Variants in TF observed in about 807,000 individuals in gnomAD.
The protein encoded by TF is serotransferrin.
In TF, 55 loss-of-function variants were observed where a neutral mutation model predicts 82.4. The ratio of observed to expected loss-of-function variants is 0.67; its 90% CI spans 0.54 to 0.84. TF has a LOEUF of 0.84. Ranked by LOEUF, TF falls within the 40% of genes least tolerant of loss-of-function variation. The pLI, the probability that TF is intolerant of heterozygous loss-of-function variation, is 0.00. For missense variants in TF, 737 were observed against 868.4 expected (o/e 0.85, Z 1.90); for synonymous variants, 332 against 332.6 (o/e 1.00, Z 0.02).
chr3:133,683,491 A>G, the TF span, among the ~76,000 whole-genome samples: 4 of 152,170 alleles, frequency 2.6e-5, no homozygotes, highest in Non-Finnish European at 5.9e-5. Context: ...GCTTAAAATA[A>G]AGGGCTGGAG....
chr3:133,770,180 G>A (rs920054249), intron 13 of TF, among the ~76,000 whole-genome samples: 1 of 152,166 alleles, frequency 6.6e-6, no homozygotes, highest in Non-Finnish European at 1.5e-5. Context: ...AAGGAACTGA[G>A]TTTTTCATTC....
intron 4 of TF, 137 bp from the exon 5 acceptor site, chr3:133,755,226 C>A: frequency 9.1e-7 from 1 of 1,095,002 alleles, no homozygotes; most frequent in Non-Finnish European, 1.4e-6. Context: ...GATGAGTTAG[C>A]ATAAGGGCAA....
At chr3:133,696,966 A>G in the TF span, among the ~76,000 whole-genome samples, 4 of 152,226 alleles carry the variant, frequency 2.6e-5, no homozygotes, top group South Asian at 4.1e-4. Flanking sequence ...ACATGTATAT[A>G]TTCACTGTGC....
rs8177238 is a variant in TF at position 133,757,785 on chromosome 3, A to G, written c.887A>G (p.Asp296Gly). 2.2e-3 allele frequency: 3,514 copies of G among 1,614,242 alleles called. 78 individuals are homozygous for G. The African/African-American group carries it at 0.041, about 19-fold the overall frequency. ...TATGAACAGGAACATTTTGGCAAAG[A>G]CAAATCAAAAGAATTCCAACTATTC... ...LNQAQEHFGK[D>G]KSKEFQLFSS... The change falls in exon 8 of 17, where the codon GAC becomes GGC. Residue 296 changes from aspartate to glycine, a missense_variant. Physicochemically the swap from Asp to Gly is moderately conservative, Grantham distance 94. Transcript: ENST00000402696.
Position 133,754,671 on chromosome 3 carries a change from G to T in TF, c.502G>T (p.Ala168Ser). 1 of 1,614,148 alleles carries T rather than the reference G, an allele frequency of 6.2e-7. No homozygotes were observed. Among genetic ancestry groups the T allele is most frequent in the Non-Finnish European group, 8.5e-7 (1 of 1,180,026 alleles). ...LPEPRKPLEK[A>S]VANFFSGSCA... ...TGAGCCACGTAAACCTCTTGAGAAA[G>T]GTAAGCTGGCAGGAGTCTGGGTGCC... is the stretch of plus-strand genomic sequence containing the variant. Residue 168 changes from alanine to serine, a missense_variant and splice_region_variant, in exon 4 of 17, where the codon GCA (alanine) becomes TCA (serine). Ala to Ser is a moderately conservative substitution (Grantham distance 99). Coordinates refer to ENST00000402696, the MANE Select transcript of TF (RefSeq NM_001063.4).
At chr3:133,746,557 CAGCCT>C in intron 1 of TF, 74 bp downstream of exon 1, 1 of 1,498,218 alleles carries the variant, frequency 6.7e-7, no homozygotes, top group Non-Finnish European at 9.0e-7. Flanking sequence ...GGCCACCGCG[CAGCCT>C]GCATGCACTC....
chr3:133,710,767 C>T, the TF span, among the ~76,000 whole-genome samples: 1 of 152,132 alleles, frequency 6.6e-6, no homozygotes, highest in African/African-American at 2.4e-5. Flanking sequence ...GTAAACACAC[C>T]GAATGTTTTC....
chr3:133,763,791 AG>A (rs1338695181), intron 9 of TF, among the ~76,000 whole-genome samples: 3 of 152,240 alleles, frequency 2.0e-5, no homozygotes, highest in African/African-American at 7.2e-5. Context: ...GCCCCCCTTC[AG>A]AAGGTGCTGT....
At chr3:133,687,061 T>G in the TF span, among the ~76,000 whole-genome samples, 2 of 152,190 alleles carry the variant, frequency 1.3e-5, no homozygotes, top group African/African-American at 2.4e-5. Flanking sequence ...TGGTTGAAGC[T>G]GGAAACCATC....
chr3:133,711,135 G>A, the TF span, among the ~76,000 whole-genome samples: 4 of 152,144 alleles, frequency 2.6e-5, no homozygotes, highest in South Asian at 2.1e-4. Context: ...GTTAAGAAAC[G>A]TTTGCGTTGC....
chr3:133,687,435 C>T, the TF span, among the ~76,000 whole-genome samples: 1 of 151,998 alleles, frequency 6.6e-6, no homozygotes, highest in African/African-American at 2.4e-5. Flanking sequence ...ATGAGATTCA[C>T]ATAACACAAT....
At chr3:133,726,489 G>A in the TF span, among the ~76,000 whole-genome samples, 1 of 152,064 alleles carries the variant, frequency 6.6e-6, no homozygotes, top group Non-Finnish European at 1.5e-5. Context: ...TATTTCTGTG[G>A]GATTGGTGGT....
chr3:133,694,049 C>G, the TF span, among the ~76,000 whole-genome samples: 2 of 152,210 alleles, frequency 1.3e-5, no homozygotes, highest in Non-Finnish European at 2.9e-5. Flanking sequence ...CCAGCCACCT[C>G]CAGCAGGCTG....
At chr3:133,759,125 A>T (rs747319837) in intron 8 of TF, 50 bp from the exon 9 acceptor site, 11 of 1,612,600 alleles carry the variant, frequency 6.8e-6, no homozygotes, top group Non-Finnish European at 9.3e-6. Context: ...GACAAACACC[A>T]GGCAACAGCT....
chr3:133,776,385 C>T (rs1473524762), intron 15 of TF, among the ~76,000 whole-genome samples: 8 of 152,218 alleles, frequency 5.3e-5, no homozygotes, highest in African/African-American at 1.9e-4. Context: ...CACACACACA[C>T]ATCACCTTCC....
chr3:133,679,452 T>C, the TF span, among the ~76,000 whole-genome samples: 11 of 152,206 alleles, frequency 7.2e-5, no homozygotes, highest in Non-Finnish European at 1.5e-4. Context: ...ATAAATGACA[T>C]TTTCATCACC....
At chr3:133,748,252 C>A in intron 1 of TF, 160 bp from the exon 2 acceptor site, 2 of 938,780 alleles carry the variant, frequency 2.1e-6, no homozygotes, top group Non-Finnish European at 1.7e-6. Context: ...TTGGCTCAGA[C>A]TCAGAATGCA....
At position 133,790,014 on chromosome 3, in the gene TF, T is replaced by C. The variant is rs149862974; in HGVS notation, c.*11394T>C. ...ACTTAGGTTTAAGTGCACACCTGGC[T>C]ATTCAAAATGTGGTTAACAGGGAAA... is the stretch of plus-strand genomic sequence containing the variant. On this transcript the variant is annotated 3_prime_UTR_variant, in exon 17 of 17. Transcript: ENST00000402696. The C allele has an allele frequency of 6.6e-6, 1 of 151,580 alleles. No individual in the cohort carries two copies. Among genetic ancestry groups the C allele is most frequent in the African/African-American group, 2.4e-5 (1 of 41,274 alleles). The allele number at this position is 151,580 out of a possible 1,614,324, so 9.4% of individuals were successfully genotyped here. A position where few individuals can be genotyped will look rare whatever the true frequency, so the allele number is the denominator to read the frequency against.
the TF span, among the ~76,000 whole-genome samples, chr3:133,733,154 T>C: frequency 7.9e-5 from 12 of 152,216 alleles, no homozygotes; most frequent in Non-Finnish European, 7.3e-5. Flanking sequence ...TATTCTTTTG[T>C]TTAAAATCCA....
Sources: allele counts gnomAD v4.1 joint callset (sites outside exome capture counted in the v4.1 genomes callset), GRCh38; gene constraint gnomAD v4.1.1; transcripts MANE v1.5; gene names NCBI Gene and HGNC (gene_info 2026-07-23, HGNC 2026-07-21).